EFHC1: variants seen among roughly 807,000 people sequenced by gnomAD.
EFHC1 encodes the protein EF-hand domain-containing protein 1.
Under a neutral mutation model 69.9 loss-of-function variants are expected in EFHC1, and 53 were observed. The observed-to-expected ratio is 0.76, with a 90% CI of 0.61 to 0.95. EFHC1 has a LOEUF of 0.95. Ranked by LOEUF, EFHC1 falls within the 40% of genes least tolerant of loss-of-function variation. The pLI, the probability that EFHC1 is intolerant of heterozygous loss-of-function variation, is 0.00. For synonymous variants in EFHC1, 256 were observed against 278.4 expected (o/e 0.92, Z 0.80); for missense variants, 739 against 798.7 (o/e 0.93, Z 0.90).
chr6:52,470,000 A>T (rs1041940407), intron 7 of EFHC1, among the ~76,000 whole-genome samples: 5 of 152,184 alleles, frequency 3.3e-5, no homozygotes, highest in Non-Finnish European at 5.9e-5. Context: ...GAAGTTGCTG[A>T]TAGAAATTCA....
In EFHC1 at chr6:52,492,251, C is replaced by G. The variant is rs1765920142; in HGVS notation, c.1852-19C>G. On this transcript the variant is annotated intron_variant, in intron 10 of 10. Coordinates refer to ENST00000371068, the MANE Select transcript of EFHC1 (RefSeq NM_018100.4). ...GCCCTGCAGATCTGTCTCACCTATT[C>G]TCTTTGCTCTCTCTGCAGTTAATCA... 2.5e-6 allele frequency: 4 copies of G among 1,611,514 alleles called. No individual in the cohort carries two copies. In the Admixed American group the frequency reaches 6.7e-5, roughly 27 times the overall value.
At chr6:52,426,389 CTTCT>C (rs955457094) in intron 2 of EFHC1, among the ~76,000 whole-genome samples, 1 of 152,082 alleles carries the variant, frequency 6.6e-6, no homozygotes, top group South Asian at 2.1e-4. Context: ...CATTTTCCTC[CTTCT>C]TTCTATGTGG....
intron 3 of EFHC1, among the ~76,000 whole-genome samples, chr6:52,446,083 G>A (rs1764778019): frequency 6.6e-6 from 1 of 152,110 alleles, no homozygotes; most frequent in Admixed American, 6.6e-5. Flanking sequence ...GGTCTGCTTG[G>A]GGCAGAGCTG....
intron 1 of EFHC1, among the ~76,000 whole-genome samples, chr6:52,421,500 C>A (rs1009578879): frequency 6.6e-6 from 1 of 151,952 alleles, no homozygotes; most frequent in African/African-American, 2.4e-5. Context: ...TCTGACAGGG[C>A]TACTGAAATG....
In EFHC1 at chr6:52,496,245, T is replaced by G. The variant is rs1166155314; in HGVS notation, c.*3904T>G. On this transcript the variant is annotated 3_prime_UTR_variant, in exon 11 of 11. Coordinates refer to ENST00000371068, the MANE Select transcript of EFHC1 (RefSeq NM_018100.4). The stretch of plus-strand genomic sequence containing the variant: ...ACACACAAAGAGAGAATGAGAATTA[T>G]TAAGATTAGCACTGGTAGCTGAAGC... 6.5e-6 allele frequency: 1 copy of G among 154,070 alleles called. No individual in the cohort carries two copies. The highest frequency in any genetic ancestry group is 2.4e-5 in the African/African-American group (1 of 41,104). 9.5% of individuals were successfully genotyped at this position (154,070 alleles called of 1,614,324 possible). A position where few individuals can be genotyped will look rare whatever the true frequency, so the allele number is the denominator to read the frequency against.
intron 2 of EFHC1, among the ~76,000 whole-genome samples, chr6:52,434,609 C>A (rs1764489856): frequency 1.3e-5 from 2 of 152,134 alleles, no homozygotes; most frequent in Admixed American, 1.3e-4. Context: ...CTAATTTATT[C>A]CTGCAGTCAT....
chr6:52,465,073 A>G lies in EFHC1; in HGVS notation c.1095A>G (p.Pro365=), dbSNP rs1765271904. Residue 365 remains proline, a synonymous_variant, in exon 6 of 11, where the codon CCA becomes CCG. Transcript: ENST00000371068. ...YKEKFGITDL[P]RIDVSKREPP... ...AGAAGTTTGGAATCACTGATTTACC[A>G]CGTATTGATGTGAGCAAGCGGGAAC... 6.2e-7 allele frequency: 1 copy of G among 1,613,972 alleles called. No homozygotes were observed. The highest frequency in any genetic ancestry group is 8.5e-7 in the Non-Finnish European group (1 of 1,180,042).
rs143897909 is a variant in EFHC1 at position 52,468,411 on chromosome 6, G to A, written c.1138-922G>A. The A allele has an allele frequency of 5.9e-5, 9 of 152,326 alleles. No individual in the cohort carries two copies. The East Asian group carries it at 9.6e-4, about 16-fold the overall frequency. The allele number at this position is 152,326 out of a possible 1,614,324, so 9.4% of individuals were successfully genotyped here. A position where few individuals can be genotyped will look rare whatever the true frequency, so the allele number is the denominator to read the frequency against. On this transcript the variant is annotated intron_variant, in intron 6 of 10. Transcript: ENST00000371068. The stretch of plus-strand genomic sequence containing the variant: ...TACCGTACATATGGACTGATATTTA[G>A]GGAAGGTCTTTATTCCAGGCAGGGG...
intron 1 of EFHC1, among the ~76,000 whole-genome samples, chr6:52,421,282 T>C (rs1214243827): frequency 6.6e-6 from 1 of 152,232 alleles, no homozygotes; most frequent in Non-Finnish European, 1.5e-5. Context: ...TTAGTTGCTG[T>C]TTATTCTTCC....
rs750899949 is a variant in EFHC1 at position 52,420,453 on chromosome 6, A to T, written c.43A>T (p.Thr15Ser). Residue 15 changes from threonine (T) to serine (S), a missense_variant, in exon 1 of 11, where the codon ACG (threonine) becomes TCG (serine). Transcript: ENST00000371068. ...GCATGGCTTGCCCTTTCTTCCGGGC[A>T]CGTCCTTTAAGGACTCTACGGTGAG... ...PVHGLPFLPG[T>S]SFKDSTKTAF... 2 of 1,614,108 alleles carry T rather than the reference A, an allele frequency of 1.2e-6. No homozygotes were observed. The highest frequency in any genetic ancestry group is 2.7e-5 in the African/African-American group (2 of 74,936).
Position 52,495,039 on chromosome 6 carries a change from C to G in EFHC1, c.*2698C>G. 2.2e-6 allele frequency: 1 copy of G among 454,010 alleles called. No homozygotes were observed. 28.1% of individuals were successfully genotyped at this position (454,010 alleles called of 1,614,324 possible). ...TCCAACCGGAAACTGCCCAGTGCAC[C>G]ACTCTCAGATGGACGGGACCCAGTC... On this transcript the variant is annotated 3_prime_UTR_variant, in exon 11 of 11. Coordinates refer to ENST00000371068, the MANE Select transcript of EFHC1 (RefSeq NM_018100.4).
chr6:52,459,969 C>T (rs530872253), intron 5 of EFHC1, among the ~76,000 whole-genome samples: 2 of 152,344 alleles, frequency 1.3e-5, no homozygotes, highest in African/African-American at 4.8e-5. Flanking sequence ...AGCCACCGTA[C>T]CCGGCTGACA....
At chr6:52,487,693 TC>T (rs1765815044) in intron 9 of EFHC1, 1 of 152,236 alleles carries the variant, frequency 6.6e-6, no homozygotes, top group Admixed American at 6.5e-5. Flanking sequence ...AACTGTGACA[TC>T]CCTCTTACCT....
intron 9 of EFHC1, chr6:52,487,672 A>G (rs1254982170): frequency 6.6e-6 from 1 of 152,240 alleles, no homozygotes; most frequent in Non-Finnish European, 1.5e-5. Flanking sequence ...ATATTCTAAG[A>G]GCACACAGAA....
intron 7 of EFHC1, 115 bp from the exon 8 acceptor site, chr6:52,478,922 T>C (rs1192408291): frequency 5.0e-6 from 5 of 1,007,578 alleles, no homozygotes; most frequent in African/African-American, 3.2e-5. Flanking sequence ...GTTTATATTG[T>C]AAAAACCCAG....
rs933064960 is a variant in EFHC1 at position 52,465,860 on chromosome 6, CTA to C, written c.1137+755_1137+756del. On this transcript the variant is annotated intron_variant, in intron 6 of 10. Coordinates refer to ENST00000371068, the MANE Select transcript of EFHC1 (RefSeq NM_018100.4). ...TCTATATAATATATATAATATCTAT[CTA>C]TATATATATTATAAATCATATTGTT... Among the ~76,000 whole-genome samples, 361 of 147,360 alleles carry C rather than the reference CTA, an allele frequency of 2.4e-3. 1 individual carries two copies. Among genetic ancestry groups the C allele is most frequent in the Middle Eastern group, 3.6e-3 (1 of 278 alleles).
intron 6 of EFHC1, 110 bp from the exon 7 acceptor site, chr6:52,469,223 T>C (rs1362371862): frequency 1.5e-6 from 2 of 1,354,814 alleles, no homozygotes; most frequent in Middle Eastern, 2.0e-4. Context: ...GTAGAAAATA[T>C]ATTTGCATAA....
chr6:52,492,310 A>G lies in EFHC1; in HGVS notation c.1892A>G (p.Tyr631Cys), dbSNP rs574948354. The G allele has an allele frequency of 2.0e-5, 32 of 1,614,054 alleles. No individual in the cohort carries two copies. The South Asian group carries it at 2.6e-4, about 13-fold the overall frequency. ...MCSHGEGKIN[Y>C]YNFVRAFSN ...TCTCATGGAGAAGGCAAAATTAACT[A>G]CTATAACTTTGTTCGTGCTTTCTCA... The change falls in exon 11 of 11, where the codon TAC (tyrosine) becomes TGC (cysteine). Residue 631 changes from tyrosine (Y) to cysteine (C), a missense_variant. Transcript: ENST00000371068.
chr6:52,476,367 T>A (rs1267163187), intron 7 of EFHC1, among the ~76,000 whole-genome samples: 1 of 152,184 alleles, frequency 6.6e-6, no homozygotes, highest in Non-Finnish European at 1.5e-5. Context: ...GTAGTAAAAT[T>A]ATCATTAGGC....
Sources: gnomAD v4.1 joint callset for allele counts (sites outside exome capture counted in the v4.1 genomes callset) on GRCh38, gnomAD v4.1.1 for gene constraint, MANE v1.5 for transcripts, NCBI Gene and HGNC (gene_info 2026-07-23, HGNC 2026-07-21) for gene names.